Variants in TOX3 observed in about 807,000 individuals in gnomAD.
The protein encoded by TOX3 is CAG trinucleotide repeat-containing gene F9 protein.
A neutral mutation model predicts 64.3 loss-of-function variants in TOX3; 22 were observed. That is an observed-to-expected ratio of 0.34 (90% CI 0.24 to 0.49). The LOEUF is 0.49. Ranked by LOEUF, TOX3 falls within the 20% of genes least tolerant of loss-of-function variation. The pLI is 0.99. For missense variants in TOX3, 661 were observed against 714.4 expected (o/e 0.93, Z 0.85); for synonymous variants, 291 against 273.6 (o/e 1.06, Z -0.63).
Position 52,439,895 on chromosome 16 carries a change from G to A in TOX3, c.1061C>T (p.Ser354Phe), listed in dbSNP as rs1959903572. Reference sequence around the variant, plus strand: ...CAGTGGAGTGTTGAGAAGGAGAGAGGATGTTAGATTGGTCGACGCCAGGGT... The same window carrying A: ...CAGTGGAGTGTTGAGAAGGAGAGAGAATGTTAGATTGGTCGACGCCAGGGT... ...QQTLASTNLT[S>F]SLLLNTPLSQ... is the part of the protein sequence containing the mutation. Residue 354 changes from serine to phenylalanine, a missense_variant, in exon 7 of 7, where the codon TCC (serine) becomes TTC (phenylalanine). By Grantham distance (155) the Ser-to-Phe change is radical. Coordinates refer to ENST00000219746, the MANE Select transcript of TOX3 (RefSeq NM_001080430.4). 1.2e-6 allele frequency: 2 copies of A among 1,613,048 alleles called. No individual in the cohort carries two copies. The highest frequency in any genetic ancestry group is 1.3e-5 in the African/African-American group (1 of 74,900).
At chr16:52,462,161 T>C (rs1960710418) in intron 3 of TOX3, among the ~76,000 whole-genome samples, 1 of 152,110 alleles carries the variant, frequency 6.6e-6, no homozygotes, top group Admixed American at 6.5e-5. Flanking sequence ...GTAAATACCA[T>C]GACAACAGCC....
intron 1 of TOX3, among the ~76,000 whole-genome samples, chr16:52,527,587 T>C (rs1000459360): frequency 6.6e-6 from 1 of 152,218 alleles, no homozygotes; most frequent in Non-Finnish European, 1.5e-5. Flanking sequence ...AGAAAACATC[T>C]GCAAGGTGCT....
chr16:52,460,572 T>C (rs1960658963), intron 3 of TOX3, among the ~76,000 whole-genome samples: 1 of 152,180 alleles, frequency 6.6e-6, no homozygotes, highest in South Asian at 2.1e-4. Flanking sequence ...AATCCCCCAG[T>C]AACTTTCAGC....
intron 1 of TOX3, among the ~76,000 whole-genome samples, chr16:52,533,662 T>C (rs1228575959): frequency 6.6e-6 from 1 of 151,872 alleles, no homozygotes; most frequent in Non-Finnish European, 1.5e-5. Context: ...TAATTTCACA[T>C]TAATTTATTT....
At chr16:52,528,374 CT>C (rs1429607538) in intron 1 of TOX3, among the ~76,000 whole-genome samples, 3 of 151,622 alleles carry the variant, frequency 2.0e-5, no homozygotes, top group African/African-American at 7.3e-5. Flanking sequence ...TTATAACCCC[CT>C]AGGAAGTGTG....
rs779821152 is a variant in TOX3, at chr16:52,464,127, G to C, written c.215C>G (p.Pro72Arg). 1.3e-6 allele frequency: 2 copies of C among 1,589,292 alleles called. No individual in the cohort carries two copies. The highest frequency in any genetic ancestry group is 1.7e-6 in the Non-Finnish European group (2 of 1,167,266). Residue 72 changes from proline to arginine, a missense_variant, in exon 3 of 7, where the codon CCT becomes CGT. Transcript: ENST00000219746. ...GCCTAGGGCAGGGTCTGACTCTGGAGGAGGCGTGATTGGTGGAATTTCGAA... is the reference window on the plus strand; with the variant it reads ...GCCTAGGGCAGGGTCTGACTCTGGACGAGGCGTGATTGGTGGAATTTCGAA... ...EEFEIPPITP[P>R]PESDPALGMP...
intron 1 of TOX3, among the ~76,000 whole-genome samples, chr16:52,480,397 C>T (rs1289524529): frequency 6.6e-6 from 1 of 152,102 alleles, no homozygotes; most frequent in Non-Finnish European, 1.5e-5. Context: ...TGCTGCAATC[C>T]AATGAAGGAC....
chr16:52,547,321 C>T (rs1255256841), upstream of TOX3: 7 of 143,040 alleles, frequency 4.9e-5, no homozygotes, highest in African/African-American at 1.8e-4. Flanking sequence ...CCGGCCCCAT[C>T]ACCCCCGCCG....
At chr16:52,463,775 T>C (rs1446559530) in intron 3 of TOX3, among the ~76,000 whole-genome samples, 159 bp downstream of exon 3, 26 of 152,204 alleles carry the variant, frequency 1.7e-4, no homozygotes, top group Non-Finnish European at 2.4e-4. Flanking sequence ...TACCCCTTTG[T>C]TCAATACCAG....
chr16:52,457,401 C>T (rs971726586), intron 3 of TOX3, among the ~76,000 whole-genome samples: 3 of 152,058 alleles, frequency 2.0e-5, no homozygotes, highest in Admixed American at 6.6e-5. Flanking sequence ...TCTATCTATA[C>T]TTACACAGAA....
intron 1 of TOX3, among the ~76,000 whole-genome samples, chr16:52,499,993 T>C (rs1040790536): frequency 1.3e-5 from 2 of 152,230 alleles, no homozygotes; most frequent in African/African-American, 4.8e-5. Flanking sequence ...TACAAATTTC[T>C]GCTTCTGATC....
chr16:52,546,754 G>T lies in TOX3; in HGVS notation c.-31C>A, dbSNP rs1287175932. 1 of 1,482,810 alleles carries T rather than the reference G, an allele frequency of 6.7e-7. No individual in the cohort carries two copies. Among genetic ancestry groups the T allele is most frequent in the Non-Finnish European group, 8.9e-7 (1 of 1,119,674 alleles). 91.9% of individuals were successfully genotyped at this position (1,482,810 alleles called of 1,614,324 possible). On this transcript the variant is annotated 5_prime_UTR_variant, in exon 1 of 7. Transcript: ENST00000219746. ...AGCTGGGCCCGGGGCCGGGGGCCGG[G>T]ACTGGGGTTCGCCGGGGCCGGGACC...
Position 52,546,877 on chromosome 16 carries a change from C to A in TOX3, c.-154G>T. The A allele has an allele frequency of 8.5e-7, 1 of 1,180,820 alleles. No individual in the cohort carries two copies. The highest frequency in any genetic ancestry group is 1.0e-6 in the Non-Finnish European group (1 of 955,660). 73.1% of individuals were successfully genotyped at this position (1,180,820 alleles called of 1,614,324 possible). On this transcript the variant is annotated 5_prime_UTR_variant, in exon 1 of 7. Transcript: ENST00000219746. ...GCGCCGGGACCCAGAGCCCGAGGAG[C>A]TCGGGAGCCGCGGCCGCCGCACACA... is the stretch of plus-strand genomic sequence containing the variant.
Position 52,439,400 on chromosome 16 carries a change from A to AGCTGCTGCAGCTGGAGGC in TOX3, c.1538_1555dup (p.Arg513_Gln518dup). 1 of 1,585,528 alleles carries AGCTGCTGCAGCTGGAGGC rather than the reference A, an allele frequency of 6.3e-7. No individual in the cohort carries two copies. The highest frequency in any genetic ancestry group is 8.6e-7 in the Non-Finnish European group (1 of 1,165,042). ...CTGAGACTGGTGCTGCATGTGTTGC[A>AGCTGCTGCAGCTGGAGGC]GCTGCTGCAGCTGGAGGCGCTGCTG... On this transcript the variant is annotated inframe_insertion, in exon 7 of 7. Coordinates refer to ENST00000219746, the MANE Select transcript of TOX3 (RefSeq NM_001080430.4).
chr16:52,442,742 T>C (rs1204654603), intron 6 of TOX3, among the ~76,000 whole-genome samples: 1 of 152,230 alleles, frequency 6.6e-6, no homozygotes, highest in African/African-American at 2.4e-5. Context: ...GCCTCACAGT[T>C]CTTTGAATAG....
At chr16:52,479,983 C>T (rs1961322008) in intron 1 of TOX3, among the ~76,000 whole-genome samples, 1 of 152,192 alleles carries the variant, frequency 6.6e-6, no homozygotes, top group Non-Finnish European at 1.5e-5. Context: ...ACTGGATTCT[C>T]CTCCTTTAAG....
At chr16:52,534,509 C>T (rs1962910809) in intron 1 of TOX3, among the ~76,000 whole-genome samples, 1 of 151,952 alleles carries the variant, frequency 6.6e-6, no homozygotes, top group Non-Finnish European at 1.5e-5. Flanking sequence ...ATGGGGTGTG[C>T]ACTTGCAGTC....
At chr16:52,440,875 C>A (rs566807146) in intron 6 of TOX3, among the ~76,000 whole-genome samples, 2 of 150,342 alleles carry the variant, frequency 1.3e-5, no homozygotes, top group East Asian at 4.0e-4. Context: ...ATTCTCCTGC[C>A]TCAGCCTCCC....
chr16:52,487,271 T>A (rs1165145265), intron 1 of TOX3, among the ~76,000 whole-genome samples: 2 of 143,978 alleles, frequency 1.4e-5, no homozygotes, highest in Admixed American at 1.4e-4. Flanking sequence ...CACAATCCTC[T>A]CCATAACAAC....
Sources: allele counts gnomAD v4.1 joint callset (sites outside exome capture counted in the v4.1 genomes callset), GRCh38; gene constraint gnomAD v4.1.1; transcripts MANE v1.5; gene names NCBI Gene and HGNC (gene_info 2026-07-23, HGNC 2026-07-21).